TTLL5: variants seen among roughly 807,000 people sequenced by gnomAD.
TTLL5 encodes the protein tubulin polyglutamylase TTLL5.
TTLL5 carries 132 observed loss-of-function variants against 168.4 expected under a neutral mutation model. The observed-to-expected ratio is 0.78, with a 90% CI of 0.68 to 0.91. The LOEUF (loss-of-function observed/expected upper bound fraction) is 0.91. TTLL5 is among the 40% of genes least tolerant of loss of function. The pLI is 0.00. For missense variants in TTLL5, 1,545 were observed against 1,581.5 expected, an observed-to-expected ratio of 0.98 and a Z score of 0.39; for synonymous variants, 546 against 558.6, an observed-to-expected ratio of 0.98 and a Z score of 0.32.
At chr14:75,906,485 T>C in intron 31 of TTLL5, 1 of 980,832 alleles carries the variant, frequency 1.0e-6, no homozygotes, top group East Asian at 1.1e-4. Flanking sequence ...TAGTTTCAGA[T>C]TTTACCTTGT....
chr14:75,754,928 A>G (rs2140277819), intron 18 of TTLL5, among the ~76,000 whole-genome samples: 1 of 152,168 alleles, frequency 6.6e-6, no homozygotes, highest in Non-Finnish European at 1.5e-5. Context: ...GGCCCCAGTT[A>G]ACAGCTCCTG....
In TTLL5 at chr14:75,924,938, C is replaced by T. The variant is rs868765302; in HGVS notation, c.3823+22714C>T. Among the ~76,000 whole-genome samples the T allele has an allele frequency of 3.6e-4, 54 of 149,592 alleles. 1 individual carries two copies. The highest frequency in any genetic ancestry group is 3.5e-3 in the Middle Eastern group (1 of 282). ...CTGACCCCCCCACCTCCCTCCTGGA[C>T]GGGGCGGCTGGCCAGGCGGAGGGCC... is the stretch of plus-strand genomic sequence containing the variant. On this transcript the variant is annotated intron_variant, in intron 31 of 31. Transcript: ENST00000298832.
chr14:75,895,574 TACTC>T (rs1465774823), intron 30 of TTLL5, among the ~76,000 whole-genome samples: 2 of 152,142 alleles, frequency 1.3e-5, no homozygotes, highest in African/African-American at 2.4e-5. Flanking sequence ...GAGTACCTAT[TACTC>T]ATGCATTAAA....
chr14:75,692,918 T>C (rs1885564657), intron 6 of TTLL5, among the ~76,000 whole-genome samples: 3 of 151,950 alleles, frequency 2.0e-5, no homozygotes, highest in Non-Finnish European at 4.4e-5. Flanking sequence ...TGGCCAGAGA[T>C]GTAGATTCTG....
chr14:75,770,844 T>G (rs980829279), intron 20 of TTLL5, among the ~76,000 whole-genome samples: 1 of 152,228 alleles, frequency 6.6e-6, no homozygotes, highest in South Asian at 2.1e-4. Flanking sequence ...CTGTTGGACC[T>G]CCCTCATTTG....
At chr14:75,681,421 AT>A in intron 3 of TTLL5, 123 bp from the exon 4 acceptor site, 1 of 736,542 alleles carries the variant, frequency 1.4e-6, no homozygotes, top group Non-Finnish European at 2.2e-6. Flanking sequence ...CGTTCAACTT[AT>A]TTATAATCAT....
rs893880838 is a variant in TTLL5 at position 75,661,386 on chromosome 14, A to G, written c.-97A>G. ...GCCCCGAACCATGGGAAGATGAGACAGGTAAACGCCTGCGCCCGCGCGCTT... is the reference window on the plus strand; with the variant it reads ...GCCCCGAACCATGGGAAGATGAGACGGGTAAACGCCTGCGCCCGCGCGCTT... On this transcript the variant is annotated splice_region_variant and 5_prime_UTR_variant, in exon 1 of 32. Coordinates refer to ENST00000298832, the MANE Select transcript of TTLL5 (RefSeq NM_015072.5). 1 of 151,842 alleles carries G rather than the reference A, an allele frequency of 6.6e-6. No homozygotes were observed. Among genetic ancestry groups the G allele is most frequent in the African/African-American group, 2.4e-5 (1 of 41,234 alleles). The allele number at this position is 151,842 out of a possible 1,614,324, so 9.4% of individuals were successfully genotyped here.
intron 31 of TTLL5, among the ~76,000 whole-genome samples, chr14:75,913,751 C>A (rs2140118095): frequency 1.3e-5 from 2 of 152,000 alleles, no homozygotes; most frequent in African/African-American, 4.8e-5. Flanking sequence ...CAGTGGCTCA[C>A]ACCTGTAATC....
intron 31 of TTLL5, chr14:75,904,075 A>G: frequency 8.2e-7 from 1 of 1,219,112 alleles, no homozygotes; most frequent in East Asian, 6.3e-5. Context: ...CTCCCTGCTC[A>G]TGCCCCAGTT....
chr14:75,730,470 G>T (rs1239497271), intron 12 of TTLL5, among the ~76,000 whole-genome samples: 1 of 152,128 alleles, frequency 6.6e-6, no homozygotes, highest in Non-Finnish European at 1.5e-5. Flanking sequence ...TGTATAGTTT[G>T]TGATGATTTT....
At chr14:75,815,153 T>C (rs768609085) in intron 27 of TTLL5, among the ~76,000 whole-genome samples, 4 of 152,184 alleles carry the variant, frequency 2.6e-5, no homozygotes, top group Non-Finnish European at 4.4e-5. Flanking sequence ...GGGTGTTAGC[T>C]CTGGCATATG....
chr14:75,853,816 G>C (rs1319867572), intron 28 of TTLL5, among the ~76,000 whole-genome samples: 3 of 152,178 alleles, frequency 2.0e-5, no homozygotes, highest in Non-Finnish European at 4.4e-5. Flanking sequence ...GGCCGAGGCG[G>C]GCAGATCACT....
At chr14:75,700,371 A>G (rs530135450) in intron 7 of TTLL5, among the ~76,000 whole-genome samples, 53 of 152,346 alleles carry the variant, frequency 3.5e-4, no homozygotes, top group African/African-American at 1.2e-3. Flanking sequence ...AGTAGGCTCA[A>G]GCATGTGCCC....
chr14:75,790,915 T>G (rs1595046484), intron 26 of TTLL5, among the ~76,000 whole-genome samples: 1 of 138,848 alleles, frequency 7.2e-6, no homozygotes, highest in East Asian at 2.1e-4. Context: ...GCTAACACGG[T>G]GAAACCCCAT....
intron 29 of TTLL5, among the ~76,000 whole-genome samples, chr14:75,874,806 G>A (rs1421268748): frequency 6.6e-6 from 1 of 151,868 alleles, no homozygotes; most frequent in Non-Finnish European, 1.5e-5. Context: ...CAACCTGAAT[G>A]TGTGTGTGTA....
chr14:75,701,309 CT>C (rs1242906535), intron 7 of TTLL5, among the ~76,000 whole-genome samples: 1 of 152,090 alleles, frequency 6.6e-6, no homozygotes, highest in African/African-American at 2.4e-5. Flanking sequence ...GTCTTTTCCC[CT>C]GCTATTGGAT....
intron 9 of TTLL5, 84 bp from the exon 10 acceptor site, chr14:75,717,774 TTTA>T (rs1261063909): frequency 7.9e-7 from 1 of 1,266,168 alleles, no homozygotes; most frequent in African/African-American, 1.5e-5. Context: ...ATTACCCTCC[TTTA>T]TTATTATCTC....
At position 75,869,821 on chromosome 14, in the gene TTLL5, A is replaced by ATTTTTTTTTTTTTTTTTTTTTTTTTTT. The variant is rs10658095; in HGVS notation, c.3522+5975_3522+5976insTTTTTTTTTTTTTTTTTTTTTTTTTTT. On this transcript the variant is annotated intron_variant, in intron 29 of 31. Coordinates refer to ENST00000298832, the MANE Select transcript of TTLL5 (RefSeq NM_015072.5). ...CTTGCAATGTATACATTCAACAAGT[A>ATTTTTTTTTTTTTTTTTTTTTTTTTTT]TTTTTTTTTTTTTTTTGCGATGGAG... Among the ~76,000 whole-genome samples the ATTTTTTTTTTTTTTTTTTTTTTTTTTT allele has an allele frequency of 2.4e-5, 2 of 82,416 alleles. 1 individual carries two copies. Among genetic ancestry groups the ATTTTTTTTTTTTTTTTTTTTTTTTTTT allele is most frequent in the Non-Finnish European group, 4.2e-5 (2 of 47,290 alleles). The allele number at this position is 82,416 out of a possible 152,430, so 54.1% of individuals were successfully genotyped here. A position where few individuals can be genotyped will look rare whatever the true frequency, so the allele number is the denominator to read the frequency against.
chr14:75,776,907 T>C (rs1288474968), intron 23 of TTLL5, 57 bp downstream of exon 23: 1 of 1,358,126 alleles, frequency 7.4e-7, no homozygotes, highest in African/African-American at 1.4e-5. Context: ...ATAATGCTCA[T>C]TGAGTACCCA....
Sources: gnomAD v4.1 joint callset for allele counts (sites outside exome capture counted in the v4.1 genomes callset) on GRCh38, gnomAD v4.1.1 for gene constraint, MANE v1.5 for transcripts, NCBI Gene and HGNC (gene_info 2026-07-23, HGNC 2026-07-21) for gene names.